Variants in KCTD8 observed in about 807,000 individuals in gnomAD.
KCTD8 encodes the protein potassium channel tetramerization domain containing 8.
In KCTD8, 27 loss-of-function variants were observed where a neutral mutation model predicts 31.5. The observed-to-expected ratio is 0.86, with a 90% CI of 0.63 to 1.18. The LOEUF is 1.18. Among genes scored for constraint, KCTD8 ranks in the 50% most tolerant of loss-of-function variants. KCTD8 has a pLI of 0.00. For missense variants in KCTD8, 658 were observed against 647.7 expected, an observed-to-expected ratio of 1.02 and a Z score of -0.17; for synonymous variants, 290 against 280.0, an observed-to-expected ratio of 1.04 and a Z score of -0.36.
intron 1 of KCTD8, among the ~76,000 whole-genome samples, chr4:44,426,006 T>C (rs1019910954): frequency 6.6e-6 from 1 of 150,496 alleles, no homozygotes; most frequent in Non-Finnish European, 1.5e-5. Flanking sequence ...TAGCGATAAA[T>C]AACAAGAGGA....
chr4:44,392,590 G>A (rs1720400809), intron 1 of KCTD8, among the ~76,000 whole-genome samples: 1 of 151,922 alleles, frequency 6.6e-6, no homozygotes, highest in African/African-American at 2.4e-5. Context: ...CTAAAGGTTA[G>A]AGGCCCTATT....
chr4:44,227,891 CTAATA>C (rs1276930123), intron 1 of KCTD8, among the ~76,000 whole-genome samples: 2 of 152,092 alleles, frequency 1.3e-5, no homozygotes, highest in African/African-American at 4.8e-5. Context: ...CCTATTTATT[CTAATA>C]TATTTCATAC....
At chr4:44,337,631 A>T (rs1352035025) in intron 1 of KCTD8, among the ~76,000 whole-genome samples, 1 of 150,710 alleles carries the variant, frequency 6.6e-6, no homozygotes, top group Non-Finnish European at 1.5e-5. Flanking sequence ...CCGAGATTGC[A>T]CCACTGCACT....
At chr4:44,213,179 G>T (rs1294339440) in intron 1 of KCTD8, among the ~76,000 whole-genome samples, 1 of 151,966 alleles carries the variant, frequency 6.6e-6, no homozygotes, top group Non-Finnish European at 1.5e-5. Context: ...CTCGTGATCC[G>T]CCTGCCTCGG....
At chr4:44,217,864 G>A (rs907884716) in intron 1 of KCTD8, among the ~76,000 whole-genome samples, 1 of 152,068 alleles carries the variant, frequency 6.6e-6, no homozygotes, top group Non-Finnish European at 1.5e-5. Context: ...AATCTGCACA[G>A]TCAGCTTCCC....
chr4:44,321,753 C>T (rs1170697546), intron 1 of KCTD8, among the ~76,000 whole-genome samples: 1 of 152,126 alleles, frequency 6.6e-6, no homozygotes, highest in African/African-American at 2.4e-5. Context: ...TTCATACACT[C>T]CTTCCTCCTT....
intron 1 of KCTD8, among the ~76,000 whole-genome samples, chr4:44,420,409 A>T (rs1721182236): frequency 6.6e-6 from 1 of 152,196 alleles, no homozygotes; most frequent in Admixed American, 6.5e-5. Flanking sequence ...AAAATCAAGG[A>T]TCAGCAAACT....
At chr4:44,216,877 T>G (rs553908140) in intron 1 of KCTD8, among the ~76,000 whole-genome samples, 1 of 152,172 alleles carries the variant, frequency 6.6e-6, no homozygotes, top group South Asian at 2.1e-4. Flanking sequence ...AGTGACTCTA[T>G]ACACTTCAAA....
chr4:44,415,257 C>T (rs959942581), intron 1 of KCTD8, among the ~76,000 whole-genome samples: 4 of 151,904 alleles, frequency 2.6e-5, no homozygotes, highest in South Asian at 2.1e-4. Flanking sequence ...TAACAACCTG[C>T]GATCAGATAT....
intron 1 of KCTD8, among the ~76,000 whole-genome samples, chr4:44,266,628 T>G (rs1716376510): frequency 6.6e-6 from 1 of 151,062 alleles, no homozygotes; most frequent in Non-Finnish European, 1.5e-5. Context: ...GACCCATCAG[T>G]GTGCTGTATT....
chr4:44,234,314 A>C (rs1199309707), intron 1 of KCTD8, among the ~76,000 whole-genome samples: 1 of 152,200 alleles, frequency 6.6e-6, no homozygotes, highest in Admixed American at 6.5e-5. Flanking sequence ...ATGGGACAGC[A>C]GGAGACACTA....
intron 1 of KCTD8, among the ~76,000 whole-genome samples, chr4:44,312,781 C>T (rs919783672): frequency 6.6e-6 from 1 of 152,098 alleles, no homozygotes; most frequent in Non-Finnish European, 1.5e-5. Flanking sequence ...CATGGGAAAA[C>T]AAGTTTGTTT....
intron 1 of KCTD8, among the ~76,000 whole-genome samples, chr4:44,395,874 G>A (rs1226277240): frequency 2.0e-5 from 3 of 152,022 alleles, no homozygotes; most frequent in African/African-American, 4.8e-5. Flanking sequence ...TGGCACCAGG[G>A]ACTGGTGTTG....
intron 1 of KCTD8, among the ~76,000 whole-genome samples, chr4:44,197,346 G>T (rs1713977221): frequency 6.6e-6 from 1 of 151,972 alleles, no homozygotes; most frequent in Non-Finnish European, 1.5e-5. Context: ...CCACAGCCTG[G>T]AACAAGTGAA....
intron 1 of KCTD8, among the ~76,000 whole-genome samples, chr4:44,381,060 C>T (rs1428904356): frequency 1.3e-5 from 2 of 151,798 alleles, no homozygotes; most frequent in Admixed American, 6.6e-5. Flanking sequence ...TTTAATAGCC[C>T]CATTAGATTT....
chr4:44,346,567 C>T (rs912139576), intron 1 of KCTD8, among the ~76,000 whole-genome samples: 6 of 152,090 alleles, frequency 3.9e-5, no homozygotes, highest in Non-Finnish European at 8.8e-5. Context: ...TATTGGCAGA[C>T]TTCAAGTTCA....
intron 1 of KCTD8, among the ~76,000 whole-genome samples, chr4:44,418,936 T>C (rs970667185): frequency 2.0e-5 from 3 of 152,226 alleles, no homozygotes; most frequent in African/African-American, 7.2e-5. Context: ...CTACCTTTTA[T>C]ATAACCCAAC....
rs16856813 is a variant in KCTD8, at chr4:44,250,839, A to G, written c.962-75589T>C. ...TATTTAATTTATATAGGGTGCAAAC[A>G]TTTCCTCCAATTCAAAACTTGGCTT... is the stretch of plus-strand genomic sequence containing the variant. On this transcript the variant is annotated intron_variant, in intron 1 of 1. Transcript: ENST00000360029. Among the ~76,000 whole-genome samples the G allele has an allele frequency of 2.5e-3, 379 of 151,822 alleles. 2 individuals are homozygous for G. Among genetic ancestry groups the G allele is most frequent in the African/African-American group, 8.8e-3 (365 of 41,478 alleles).
Position 44,301,328 on chromosome 4 carries a change from C to T in KCTD8, c.962-126078G>A, listed in dbSNP as rs553431831. On this transcript the variant is annotated intron_variant, in intron 1 of 1. Coordinates refer to ENST00000360029, the MANE Select transcript of KCTD8 (RefSeq NM_198353.3). The stretch of plus-strand genomic sequence containing the variant: ...CAATGGTTGAACTAGTTTACAGTCC[C>T]ACCAACAGTGTAAAAGTGTTCCTAG... 7.7e-3 allele frequency among the ~76,000 whole-genome samples: 1,175 copies of T among 152,192 alleles called. 14 individuals carry two copies. The highest frequency in any genetic ancestry group is 0.027 in the African/African-American group (1,122 of 41,508).
Sources: allele counts gnomAD v4.1 joint callset (sites outside exome capture counted in the v4.1 genomes callset), GRCh38; gene constraint gnomAD v4.1.1; transcripts MANE v1.5; gene names NCBI Gene and HGNC (gene_info 2026-07-23, HGNC 2026-07-21).